Variants in SEMA4D observed in about 807,000 individuals in gnomAD.
The protein encoded by SEMA4D is semaphorin 4D.
SEMA4D carries 22 observed loss-of-function variants against 74.8 expected under a neutral mutation model. That is an observed-to-expected ratio of 0.29 (90% CI 0.21 to 0.42). SEMA4D has a LOEUF of 0.42. SEMA4D is among the 10% of genes least tolerant of loss of function. SEMA4D has a pLI of 1.00. For missense variants in SEMA4D, 937 were observed against 1,118.4 expected (o/e 0.84, Z 2.31); for synonymous variants, 445 against 463.7 (o/e 0.96, Z 0.52).
intron 16 of SEMA4D, among the ~76,000 whole-genome samples, chr9:89,365,847 A>C (rs13293156): frequency 0.21 from 31,624 of 152,150 alleles, 3,794 homozygotes; most frequent in East Asian, 0.39. Flanking sequence ...TGAAAAGAAG[A>C]GATCGCCAGT....
intron 6 of SEMA4D, among the ~76,000 whole-genome samples, chr9:89,395,914 G>A (rs1274445623): frequency 2.0e-5 from 3 of 152,136 alleles, no homozygotes; most frequent in Non-Finnish European, 4.4e-5. Context: ...ACATTTATCA[G>A]GACTCATTAA....
At chr9:89,450,686 A>AAAAAAAAAAAAAAAAAAAAAAAAAAC in intron 2 of SEMA4D, 2 of 945,104 alleles carry the variant, frequency 2.1e-6, no homozygotes, top group South Asian at 1.5e-5. Context: ...AAAAAAAAAA[A>AAAAAAAAAAAAAAAAAAAAAAAAAAC]AGGCCTCCAA....
chr9:89,386,042 C>A, intron 13 of SEMA4D: 1 of 985,452 alleles, frequency 1.0e-6, no homozygotes, highest in Non-Finnish European at 1.2e-6. Flanking sequence ...TGCACACCCC[C>A]CAAGCTCAGG....
Position 89,494,870 on chromosome 9 carries a change from G to C in SEMA4D, c.-310+3049C>G, listed in dbSNP as rs190369758. Among the ~76,000 whole-genome samples, 154 of 152,248 alleles carry C rather than the reference G, an allele frequency of 1.0e-3. 1 individual carries two copies. The highest frequency in any genetic ancestry group is 3.6e-3 in the African/African-American group (149 of 41,538). On this transcript the variant is annotated intron_variant, in intron 1 of 15. Transcript: ENST00000422704. ...CAGTATCTATTGCTAAAGGGTGAAA[G>C]TTATTCTAACATAACCACGATGCTG...
intron 2 of SEMA4D, among the ~76,000 whole-genome samples, chr9:89,442,252 C>T (rs1303116076): frequency 1.3e-5 from 2 of 152,118 alleles, no homozygotes; most frequent in South Asian, 4.1e-4. Flanking sequence ...CGGCTCTGGG[C>T]ACCACGGCTG....
intron 2 of SEMA4D, among the ~76,000 whole-genome samples, chr9:89,429,925 C>G (rs1415153472): frequency 6.6e-6 from 1 of 151,962 alleles, no homozygotes; most frequent in Non-Finnish European, 1.5e-5. Flanking sequence ...CAAGCTTTGC[C>G]AAATAGTAGC....
At chr9:89,360,834 A>G (rs894271911) in exon 19 of SEMA4D, 1 of 152,256 alleles carries the variant, frequency 6.6e-6, no homozygotes, top group Admixed American at 6.5e-5. Flanking sequence ...GAGCAAAGAA[A>G]GACTCAGAAA....
At chr9:89,449,477 C>T (rs1479105353) in intron 2 of SEMA4D, 2 of 718,026 alleles carry the variant, frequency 2.8e-6, no homozygotes, top group East Asian at 2.5e-5. Context: ...ATCGAGGGAG[C>T]TCTGACCACA....
At position 89,371,234 on chromosome 9, in the gene SEMA4D, G is replaced by A. The variant is rs577972641; in HGVS notation, c.1882+5599C>T. Among the ~76,000 whole-genome samples, 335 of 136,120 alleles carry A rather than the reference G, an allele frequency of 2.5e-3. 3 individuals are homozygous for A. The highest frequency in any genetic ancestry group is 9.0e-3 in the African/African-American group (323 of 36,020). The allele number at this position is 136,120 out of a possible 152,430, so 89.3% of individuals were successfully genotyped here. A position where few individuals can be genotyped will look rare whatever the true frequency, so the allele number is the denominator to read the frequency against. On this transcript the variant is annotated intron_variant, in intron 16 of 18. Coordinates refer to the SEMA4D transcript ENST00000339861. ...GTGTGTGGGGTGTGGTGTGTGTCTG[G>A]GGTAGGGTGCGTATGTGGGGTGGGC...
chr9:89,368,524 G>A (rs573487173), intron 16 of SEMA4D: 1 of 152,580 alleles, frequency 6.6e-6, no homozygotes, highest in Non-Finnish European at 1.5e-5. Flanking sequence ...CAGTGCAGCT[G>A]GGGGTATGCC....
At chr9:89,363,663 G>A (rs1833111648) in intron 17 of SEMA4D, 1 of 1,592,848 alleles carries the variant, frequency 6.3e-7, no homozygotes, top group African/African-American at 1.3e-5. Context: ...ATGCTTTCCA[G>A]CTGTTTTTTT....
chr9:89,421,613 G>A lies in SEMA4D; in HGVS notation c.-243-15914C>T, dbSNP rs549288696. On this transcript the variant is annotated intron_variant, in intron 2 of 15. Transcript: ENST00000422704. ...GCGTCTATGTGCATGGGTACACACAGATACAGCATAGAACGTTTTCTATAC... is the reference window on the plus strand; with the variant it reads ...GCGTCTATGTGCATGGGTACACACAAATACAGCATAGAACGTTTTCTATAC... 5.9e-5 allele frequency among the ~76,000 whole-genome samples: 9 copies of A among 152,306 alleles called. No individual in the cohort carries two copies. In the East Asian group the frequency reaches 1.7e-3, roughly 29 times the overall value.
intron 2 of SEMA4D, among the ~76,000 whole-genome samples, chr9:89,420,870 T>C (rs1415540264): frequency 6.6e-6 from 1 of 152,260 alleles, no homozygotes; most frequent in African/African-American, 2.4e-5. Context: ...TGAGGATCCA[T>C]GACTAATCAG....
At chr9:89,454,340 G>A (rs1485579554) in intron 2 of SEMA4D, among the ~76,000 whole-genome samples, 1 of 152,142 alleles carries the variant, frequency 6.6e-6, no homozygotes, top group Admixed American at 6.5e-5. Flanking sequence ...TTTAATCCAT[G>A]TCTCCAGGAG....
intron 2 of SEMA4D, among the ~76,000 whole-genome samples, chr9:89,452,379 C>T (rs375356835): frequency 6.6e-6 from 1 of 152,084 alleles, no homozygotes; most frequent in African/African-American, 2.4e-5. Context: ...GAGGTTTCAC[C>T]GTGTTAGCCA....
chr9:89,450,370 G>T (rs1854067343), intron 2 of SEMA4D: 4 of 1,023,294 alleles, frequency 3.9e-6, no homozygotes, highest in South Asian at 1.3e-5. Context: ...GACATGAAAA[G>T]GCGTTTTGAT....
chr9:89,419,088 C>A (rs1461202720), intron 2 of SEMA4D, among the ~76,000 whole-genome samples: 3 of 151,754 alleles, frequency 2.0e-5, no homozygotes, highest in Admixed American at 6.6e-5. Flanking sequence ...TCCAGGCACA[C>A]AACATCCGGT....
intron 11 of SEMA4D, 109 bp from the exon 12 acceptor site, chr9:89,387,717 A>G: frequency 1.2e-6 from 1 of 839,024 alleles, no homozygotes; most frequent in Middle Eastern, 3.5e-4. Context: ...GAAACCACAC[A>G]ATGCATGCCT....
chr9:89,426,430 C>T (rs1848123213), intron 2 of SEMA4D, among the ~76,000 whole-genome samples: 1 of 152,130 alleles, frequency 6.6e-6, no homozygotes, highest in African/African-American at 2.4e-5. Flanking sequence ...CAACAGGAGG[C>T]TCTCCCTCAC....
Sources: gnomAD v4.1 joint callset for allele counts (sites outside exome capture counted in the v4.1 genomes callset) on GRCh38, gnomAD v4.1.1 for gene constraint, MANE v1.5 for transcripts, NCBI Gene and HGNC (gene_info 2026-07-23, HGNC 2026-07-21) for gene names.